Variants in FABP5 observed in about 807,000 individuals in gnomAD.
The protein encoded by FABP5 is fatty acid-binding protein 5.
In FABP5, 7 loss-of-function variants were observed where a neutral mutation model predicts 16.9. That is an observed-to-expected ratio of 0.41 (90% CI 0.24 to 0.78). The LOEUF is 0.78. Among genes scored for constraint, FABP5 ranks in the 30% least tolerant of loss-of-function variants. The probability of loss-of-function intolerance (pLI) is 0.30; values close to 1 mark genes in which losing one functional copy is unlikely to be tolerated. For missense variants in FABP5, 119 were observed against 159.5 expected (o/e 0.75, Z 1.37); for synonymous variants, 37 against 52.8 (o/e 0.70, Z 1.30).
intron 3 of FABP5, 54 bp downstream of exon 3, chr8:81,284,028 A>G: frequency 1.5e-6 from 2 of 1,304,162 alleles, no homozygotes; most frequent in Non-Finnish European, 2.2e-6. Flanking sequence ...TTCATAGTTC[A>G]CATAACTGTT....
chr8:81,281,380 C>T lies in FABP5; in HGVS notation c.79+706C>T, dbSNP rs1470358605. The stretch of plus-strand genomic sequence containing the variant: ...TTGGTACCCCATGGAACACCAGGGC[C>T]CCCGAGAAGCGTGGCGCTGGCGGTG... On this transcript the variant is annotated intron_variant, in intron 1 of 3. Transcript: ENST00000297258. The surrounding 1 kb of genome is among the most constrained non-coding windows in gnomAD (Gnocchi z 4.5). 1.0e-6 allele frequency: 1 copy of T among 985,568 alleles called. No individual in the cohort carries two copies. The highest frequency in any genetic ancestry group is 1.2e-6 in the Non-Finnish European group (1 of 830,180). 61.1% of individuals were successfully genotyped at this position (985,568 alleles called of 1,614,324 possible). A position where few individuals can be genotyped will look rare whatever the true frequency, so the allele number is the denominator to read the frequency against.
rs887130777 is a variant in FABP5 at position 81,281,452 on chromosome 8, G to A, written c.79+778G>A. On this transcript the variant is annotated intron_variant, in intron 1 of 3. Coordinates refer to ENST00000297258, the MANE Select transcript of FABP5 (RefSeq NM_001444.3). The surrounding 1 kb of genome is among the most constrained non-coding windows in gnomAD (Gnocchi z 4.5). Reference sequence around the variant, plus strand: ...CGGGCCGGGGCGCCGCAGTGGGCGGGTGGCCTGTGGGAGGAGCGCAATGAG... The same window carrying A: ...CGGGCCGGGGCGCCGCAGTGGGCGGATGGCCTGTGGGAGGAGCGCAATGAG... The A allele has an allele frequency of 6.7e-5, 66 of 985,928 alleles. 1 individual carries two copies. The African/African-American group carries it at 1.2e-3, about 17-fold the overall frequency. The allele number at this position is 985,928 out of a possible 1,614,324, so 61.1% of individuals were successfully genotyped here. A position where few individuals can be genotyped will look rare whatever the true frequency, so the allele number is the denominator to read the frequency against.
At chr8:81,283,329 G>A (rs370177801) in intron 1 of FABP5, 37 bp from the exon 2 acceptor site, 2 of 1,511,406 alleles carry the variant, frequency 1.3e-6, no homozygotes, top group South Asian at 1.3e-5. Flanking sequence ...GATAACTTTG[G>A]TCTTCCTGTT....
At position 81,284,618 on chromosome 8, in the gene FABP5, C is replaced by T. The variant is rs992925921; in HGVS notation, c.*51C>T. ...AGTTAATTAAGAGAATGACCAAGCT[C>T]AGTTCAATGAGCAAATCTCCATACT... On this transcript the variant is annotated 3_prime_UTR_variant, in exon 4 of 4. Coordinates refer to ENST00000297258, the MANE Select transcript of FABP5 (RefSeq NM_001444.3). 3 of 1,011,864 alleles carry T rather than the reference C, an allele frequency of 3.0e-6. No individual in the cohort carries two copies. In the Admixed American group the frequency reaches 5.4e-5, roughly 18 times the overall value. 62.7% of individuals were successfully genotyped at this position (1,011,864 alleles called of 1,614,324 possible).
intron 1 of FABP5, chr8:81,280,902 C>G (rs1807817740): frequency 1.9e-6 from 1 of 523,820 alleles, no homozygotes; most frequent in East Asian, 3.4e-5. Context: ...CCGCGGGCCG[C>G]AAGATTCCGG....
chr8:81,281,493 T>A lies in FABP5; in HGVS notation c.79+819T>A. 4.1e-6 allele frequency: 4 copies of A among 985,288 alleles called. No individual in the cohort carries two copies. The highest frequency in any genetic ancestry group is 4.8e-6 in the Non-Finnish European group (4 of 830,016). 61.0% of individuals were successfully genotyped at this position (985,288 alleles called of 1,614,324 possible). On this transcript the variant is annotated intron_variant, in intron 1 of 3. Transcript: ENST00000297258. The surrounding 1 kb of genome is among the most constrained non-coding windows in gnomAD (Gnocchi z 4.5). ...GCGCAATGAGGCCTGGGGGTGGCCG[T>A]GTGTTGCCATCCTGGCCTCTGCCAC...
In FABP5 at chr8:81,280,551, G is replaced by T; in HGVS notation, c.-45G>T. 1 of 1,538,974 alleles carries T rather than the reference G, an allele frequency of 6.5e-7. No individual in the cohort carries two copies. On this transcript the variant is annotated 5_prime_UTR_variant, in exon 1 of 4. Coordinates refer to ENST00000297258, the MANE Select transcript of FABP5 (RefSeq NM_001444.3). ...CGGGTGCCTCACAGCACGCTGCCAC[G>T]CCGACGCAGACCCCTCTCTGCACGC... is the stretch of plus-strand genomic sequence containing the variant.
In FABP5 at chr8:81,281,630, A is replaced by G. The variant is rs1174403945; in HGVS notation, c.79+956A>G. 1.0e-6 allele frequency: 1 copy of G among 985,358 alleles called. No homozygotes were observed. The highest frequency in any genetic ancestry group is 1.7e-5 in the African/African-American group (1 of 57,250). 61.0% of individuals were successfully genotyped at this position (985,358 alleles called of 1,614,324 possible). A position where few individuals can be genotyped will look rare whatever the true frequency, so the allele number is the denominator to read the frequency against. On this transcript the variant is annotated intron_variant, in intron 1 of 3. Transcript: ENST00000297258. This position sits in a 1 kb window ranked among gnomAD's most constrained non-coding sequence, Gnocchi z 4.5. ...AGATGGGTGTGGCCCTGCAGAAGGC[A>G]GATGACTTCTTGAAGCGTTCCGAGG...
rs1807840062 is a variant in FABP5, at chr8:81,282,000, C to G, written c.79+1326C>G. ...CCGTGGCACTTCGGAATCACTCCTTCAGTACCCTTTATCCAAGACCATGTG... is the reference window on the plus strand; with the variant it reads ...CCGTGGCACTTCGGAATCACTCCTTGAGTACCCTTTATCCAAGACCATGTG... On this transcript the variant is annotated intron_variant, in intron 1 of 3. Transcript: ENST00000297258. This position sits in a 1 kb window ranked among gnomAD's most constrained non-coding sequence, Gnocchi z 4.5. Among the ~76,000 whole-genome samples the G allele has an allele frequency of 6.6e-6, 1 of 152,150 alleles. No homozygotes were observed. Among genetic ancestry groups the G allele is most frequent in the Non-Finnish European group, 1.5e-5 (1 of 68,024 alleles).
intron 3 of FABP5, chr8:81,284,240 C>T: frequency 3.7e-6 from 2 of 540,038 alleles, no homozygotes; most frequent in Non-Finnish European, 6.5e-6. Flanking sequence ...CACCAAACTG[C>T]ACACATTTTT....
rs766403192 is a variant in FABP5, at chr8:81,283,550, C to T, written c.252+12C>T. The T allele has an allele frequency of 2.5e-6, 4 of 1,602,600 alleles. No individual in the cohort carries two copies. The highest frequency in any genetic ancestry group is 3.4e-6 in the Non-Finnish European group (4 of 1,175,992). Reference sequence around the variant, plus strand: ...GCAGAAAAACTCAGGTCAGTCGTGACATGTTATGAAATCACAGAAGCTTCT... The same window carrying T: ...GCAGAAAAACTCAGGTCAGTCGTGATATGTTATGAAATCACAGAAGCTTCT... On this transcript the variant is annotated intron_variant, in intron 2 of 3. Transcript: ENST00000297258.
At chr8:81,283,627 A>G in intron 2 of FABP5, 89 bp downstream of exon 2, 2 of 1,328,694 alleles carry the variant, frequency 1.5e-6, no homozygotes. Flanking sequence ...CAAGAACTTA[A>G]TGAAAAAGTT....
At position 81,283,217 on chromosome 8, in the gene FABP5, A is replaced by G. The variant is rs145366789; in HGVS notation, c.80-149A>G. The G allele has an allele frequency of 1.5e-3, 980 of 643,988 alleles. 5 individuals carry two copies. In the African/African-American group the frequency reaches 0.015, roughly 10 times the overall value. 39.9% of individuals were successfully genotyped at this position (643,988 alleles called of 1,614,324 possible). A position where few individuals can be genotyped will look rare whatever the true frequency, so the allele number is the denominator to read the frequency against. ...TTTCATATATGTAAAGTGCTGGCTC[A>G]TACCGTGGGATATATGTTTACAATA... is the stretch of plus-strand genomic sequence containing the variant. On this transcript the variant is annotated intron_variant, in intron 1 of 3. Coordinates refer to ENST00000297258, the MANE Select transcript of FABP5 (RefSeq NM_001444.3).
At chr8:81,283,292 T>A in intron 1 of FABP5, 74 bp from the exon 2 acceptor site, 2 of 1,255,926 alleles carry the variant, frequency 1.6e-6, no homozygotes, top group South Asian at 3.0e-5. Context: ...GTGATTACAA[T>A]GGAATTATTG....
Position 81,284,095 on chromosome 8 carries a change from A to G in FABP5, c.354+121A>G, listed in dbSNP as rs187967655. 2.9e-4 allele frequency: 203 copies of G among 701,042 alleles called. 2 individuals are homozygous for G. The highest frequency in any genetic ancestry group is 2.9e-3 in the African/African-American group (162 of 56,312). 43.4% of individuals were successfully genotyped at this position (701,042 alleles called of 1,614,324 possible). A position where few individuals can be genotyped will look rare whatever the true frequency, so the allele number is the denominator to read the frequency against. ...TGGAAGAAAAAAAAGCAAAATAACA[A>G]GTTAAATACTAGAACACTAATTATT... is the stretch of plus-strand genomic sequence containing the variant. On this transcript the variant is annotated intron_variant, in intron 3 of 3. Transcript: ENST00000297258.
intron 1 of FABP5, 72 bp downstream of exon 1, chr8:81,280,746 G>A: frequency 7.2e-7 from 1 of 1,393,030 alleles, no homozygotes; most frequent in Non-Finnish European, 9.9e-7. Flanking sequence ...GTCCCCGTCA[G>A]CGTGCCAGAT....
chr8:81,283,454 T>TGA lies in FABP5; in HGVS notation c.172_173dup (p.Ser58ArgfsTer4), dbSNP rs1484960310. On this transcript the variant is annotated frameshift_variant, in exon 2 of 4. Transcript: ENST00000297258. LOFTEE classifies it high-confidence loss of function. The stretch of plus-strand genomic sequence containing the variant: ...ATGGTAAAAACCTCACCATAAAAAC[T>TGA]GAGAGCACTTTGAAAACAACACAGT... 3 of 1,613,030 alleles carry TGA rather than the reference T, an allele frequency of 1.9e-6. No homozygotes were observed. Among genetic ancestry groups the TGA allele is most frequent in the Non-Finnish European group, 2.5e-6 (3 of 1,179,414 alleles).
chr8:81,283,725 C>A, intron 2 of FABP5, 148 bp from the exon 3 acceptor site: 3 of 927,218 alleles, frequency 3.2e-6, no homozygotes, highest in East Asian at 2.7e-5. Context: ...GGTTGAAAAC[C>A]ACAAACTATT....
chr8:81,281,075 T>C lies in FABP5; in HGVS notation c.79+401T>C. Reference sequence around the variant, plus strand: ...CCCTGTATTTCCCTTTTTTCCCCCTTTACTCATCCTTCCCCTTCCTGCCAC... The same window carrying C: ...CCCTGTATTTCCCTTTTTTCCCCCTCTACTCATCCTTCCCCTTCCTGCCAC... On this transcript the variant is annotated intron_variant, in intron 1 of 3. Coordinates refer to ENST00000297258, the MANE Select transcript of FABP5 (RefSeq NM_001444.3). This position sits in a 1 kb window ranked among gnomAD's most constrained non-coding sequence, Gnocchi z 4.5. The C allele has an allele frequency of 5.8e-6, 1 of 173,646 alleles. No homozygotes were observed. The highest frequency in any genetic ancestry group is 1.2e-5 in the Non-Finnish European group (1 of 82,232). The allele number at this position is 173,646 out of a possible 1,614,324, so 10.8% of individuals were successfully genotyped here. A position where few individuals can be genotyped will look rare whatever the true frequency, so the allele number is the denominator to read the frequency against.
Sources: allele counts gnomAD v4.1 joint callset (sites outside exome capture counted in the v4.1 genomes callset), GRCh38; gene constraint gnomAD v4.1.1; non-coding constraint Gnocchi (gnomAD v3.1); transcripts MANE v1.5; gene names NCBI Gene and HGNC (gene_info 2026-07-23, HGNC 2026-07-21).